The following FOXO1 variants were observed in gnomAD, a reference collection of about 807,000 sequenced individuals.
FOXO1 encodes the protein forkhead box O1, also known as forkhead box protein O1.
A neutral mutation model predicts 44.1 loss-of-function variants in FOXO1; 6 were observed. The observed-to-expected ratio is 0.14, with a 90% CI of 0.07 to 0.27. The LOEUF is 0.27. Among genes scored for constraint, FOXO1 ranks in the 10% least tolerant of loss-of-function variants. FOXO1 has a pLI of 1.00. For missense variants in FOXO1, 737 were observed against 888.8 expected (o/e 0.83, Z 2.17); for synonymous variants, 380 against 362.7 (o/e 1.05, Z -0.54).
chr13:40,563,620 T>G (rs994028183), intron 1 of FOXO1, among the ~76,000 whole-genome samples: 1 of 152,030 alleles, frequency 6.6e-6, no homozygotes. Flanking sequence ...ACCCAAGATC[T>G]ACCCTCACCT....
At chr13:40,646,376 T>C (rs1171956257) in intron 1 of FOXO1, among the ~76,000 whole-genome samples, 1 of 150,164 alleles carries the variant, frequency 6.7e-6, no homozygotes, top group African/African-American at 2.5e-5. Context: ...AGAGATGGGG[T>C]TTCACCATAT....
At chr13:40,641,019 A>G (rs557375906) in intron 1 of FOXO1, among the ~76,000 whole-genome samples, 53 of 152,122 alleles carry the variant, frequency 3.5e-4, no homozygotes, top group African/African-American at 1.2e-3. Context: ...CTTGACCTCA[A>G]GTGATCCACC....
In FOXO1 at chr13:40,560,235, G is replaced by C; in HGVS notation, c.1256C>G (p.Pro419Arg). The change falls in exon 2 of 3, where the codon CCA (proline) becomes CGA (arginine). Residue 419 changes from proline (P) to arginine (R), a missense_variant. Physicochemically the swap from Pro to Arg is moderately radical, Grantham distance 103 (BLOSUM62 -2). Transcript: ENST00000379561. This position sits in a 1 kb window ranked among gnomAD's most constrained non-coding sequence, Gnocchi z 5.1. ...PPNTSLNSPS[P>R]NYQKYTYGQS... ...GCCATATGTATATTTTTGGTAGTTT[G>C]GGCTGGGTGAATTCAAACTGGTGTT... The C allele has an allele frequency of 1.2e-6, 2 of 1,614,190 alleles. No homozygotes were observed. Among genetic ancestry groups the C allele is most frequent in the African/African-American group, 1.3e-5 (1 of 75,042 alleles).
Position 40,666,249 on chromosome 13 carries a change from A to C in FOXO1, c.-37T>G. 3.7e-6 allele frequency: 5 copies of C among 1,362,526 alleles called. No homozygotes were observed. The highest frequency in any genetic ancestry group is 4.7e-6 in the Non-Finnish European group (5 of 1,057,308). 84.4% of individuals were successfully genotyped at this position (1,362,526 alleles called of 1,614,324 possible). ...CCCCTCCCCCAGCCGCAGGAGAGCC[A>C]AGAGGGGGAGAACGCAGCACTGGGG... is the stretch of plus-strand genomic sequence containing the variant. On this transcript the variant is annotated 5_prime_UTR_variant, in exon 1 of 3. Coordinates refer to ENST00000379561, the MANE Select transcript of FOXO1 (RefSeq NM_002015.4).
intron 1 of FOXO1, among the ~76,000 whole-genome samples, chr13:40,611,517 T>C (rs749234335): frequency 4.6e-5 from 7 of 152,336 alleles, no homozygotes; most frequent in Middle Eastern, 6.8e-3. Flanking sequence ...AGTTACGCCA[T>C]AATTCTATCC....
At chr13:40,629,452 A>C (rs1340867884) in intron 1 of FOXO1, among the ~76,000 whole-genome samples, 1 of 152,186 alleles carries the variant, frequency 6.6e-6, no homozygotes, top group Non-Finnish European at 1.5e-5. Context: ...AAACAACATG[A>C]CTTTTGAACT....
intron 1 of FOXO1, among the ~76,000 whole-genome samples, chr13:40,639,378 T>G (rs1327084776): frequency 1.3e-5 from 2 of 151,964 alleles, no homozygotes; most frequent in Non-Finnish European, 2.9e-5. Flanking sequence ...CAGGGTCGCC[T>G]GTCAGTAGTC....
intron 1 of FOXO1, among the ~76,000 whole-genome samples, chr13:40,590,881 A>G (rs1421190024): frequency 6.6e-6 from 1 of 152,150 alleles, no homozygotes; most frequent in African/African-American, 2.4e-5. Context: ...GTTTCACTTA[A>G]CGCTACACTT....
rs2137950436 is a variant in FOXO1, at chr13:40,665,872, T to C, written c.341A>G (p.Glu114Gly). 1 of 1,134,376 alleles carries C rather than the reference T, an allele frequency of 8.8e-7. No individual in the cohort carries two copies. The highest frequency in any genetic ancestry group is 4.2e-5 in the South Asian group (1 of 23,542). 70.3% of individuals were successfully genotyped at this position (1,134,376 alleles called of 1,614,324 possible). The change falls in exon 1 of 3, where the codon GAG becomes GGG. Residue 114 changes from glutamate (E) to glycine (G), a missense_variant. Glu to Gly is a moderately conservative substitution (Grantham distance 98, BLOSUM62 -2). Transcript: ENST00000379561. ...GGLCGDFQGP[E>G]AGCLHPAPPQ... ...TGGCGCTGGGTGCAGGCAGCCCGCC[T>C]CCGGGCCCTGGAAGTCCCCGCACAG...
At chr13:40,652,946 A>G (rs775830029) in intron 1 of FOXO1, among the ~76,000 whole-genome samples, 8 of 150,984 alleles carry the variant, frequency 5.3e-5, no homozygotes, top group Admixed American at 2.0e-4. Flanking sequence ...TTTCCAAACT[A>G]AATTTGAAAT....
intron 1 of FOXO1, among the ~76,000 whole-genome samples, chr13:40,634,683 CT>C (rs762426679): frequency 0.023 from 3,213 of 142,600 alleles, 58 homozygotes; most frequent in African/African-American, 0.052. Flanking sequence ...GGCTTTAGTA[CT>C]TTTTTTTTTT....
chr13:40,614,624 A>C (rs532300752), intron 1 of FOXO1, among the ~76,000 whole-genome samples: 1 of 152,196 alleles, frequency 6.6e-6, no homozygotes. Context: ...TGCAGAGAAG[A>C]AAGCACAAGG....
At chr13:40,621,350 A>G (rs375326593) in intron 1 of FOXO1, 4 of 477,920 alleles carry the variant, frequency 8.4e-6, no homozygotes, top group East Asian at 1.3e-4. Flanking sequence ...ACAATGGGTA[A>G]AAGTGATGGG....
At chr13:40,624,798 T>C (rs1294153574) in intron 1 of FOXO1, among the ~76,000 whole-genome samples, 1 of 152,244 alleles carries the variant, frequency 6.6e-6, no homozygotes. Context: ...AGGAGAGTAT[T>C]TCGAGTAATG....
chr13:40,640,351 G>T (rs562840682), intron 1 of FOXO1, among the ~76,000 whole-genome samples: 50 of 152,330 alleles, frequency 3.3e-4, no homozygotes, highest in Non-Finnish European at 6.6e-4. Flanking sequence ...TGGCTCTGAA[G>T]GTAGCCCTGG....
In FOXO1 at chr13:40,564,517, T is replaced by C. The variant is rs1874184363; in HGVS notation, c.631-3657A>G. On this transcript the variant is annotated intron_variant, in intron 1 of 2. Transcript: ENST00000379561. ...AGCTACGGTTTCTAGGGGGTGGGGT[T>C]TGAAAAGGTAAATTTTGTAAAAATG... Among the ~76,000 whole-genome samples, 3 of 152,128 alleles carry C rather than the reference T, an allele frequency of 2.0e-5. No homozygotes were observed. The South Asian group carries it at 6.2e-4, about 32-fold the overall frequency.
intron 1 of FOXO1, among the ~76,000 whole-genome samples, chr13:40,592,577 G>A (rs1458003270): frequency 6.6e-6 from 1 of 152,190 alleles, no homozygotes; most frequent in African/African-American, 2.4e-5. Flanking sequence ...CCTCTTGGAG[G>A]AACACAACCA....
intron 1 of FOXO1, among the ~76,000 whole-genome samples, chr13:40,658,260 A>T (rs1302093756): frequency 6.6e-6 from 1 of 152,200 alleles, no homozygotes; most frequent in Non-Finnish European, 1.5e-5. Context: ...AAGCTAAACG[A>T]GGGGAATGGT....
chr13:40,572,365 G>C (rs1340412245), intron 1 of FOXO1, among the ~76,000 whole-genome samples: 1 of 151,412 alleles, frequency 6.6e-6, no homozygotes, highest in Non-Finnish European at 1.5e-5. Flanking sequence ...TGTTTACTAA[G>C]AATTCTTAGT....
Sources: allele counts gnomAD v4.1 joint callset (sites outside exome capture counted in the v4.1 genomes callset), GRCh38; gene constraint gnomAD v4.1.1; non-coding constraint Gnocchi (gnomAD v3.1); transcripts MANE v1.5; gene names NCBI Gene and HGNC (gene_info 2026-07-23, HGNC 2026-07-21).